The following TMEM39B variants were observed in gnomAD, a reference collection of about 807,000 sequenced individuals.
TMEM39B encodes transmembrane protein 39B.
Under a neutral mutation model 52.2 loss-of-function variants are expected in TMEM39B, and 23 were observed. That is an observed-to-expected ratio of 0.44 (90% CI 0.32 to 0.62). TMEM39B has a LOEUF of 0.62. Among genes scored for constraint, TMEM39B ranks in the 20% least tolerant of loss-of-function variants. The probability of loss-of-function intolerance (pLI) is 0.06; values close to 1 mark genes in which losing one functional copy is unlikely to be tolerated. For synonymous variants in TMEM39B, 285 were observed against 264.0 expected, an observed-to-expected ratio of 1.08 and a Z score of -0.77; for missense variants, 547 against 642.0, an observed-to-expected ratio of 0.85 and a Z score of 1.60.
chr1:32,090,771 C>T (rs1640572419), intron 5 of TMEM39B, among the ~76,000 whole-genome samples: 1 of 152,148 alleles, frequency 6.6e-6, no homozygotes, highest in Non-Finnish European at 1.5e-5. Flanking sequence ...TCCCGAGTAG[C>T]TGGGACTACA....
chr1:32,096,892 C>T (rs1640830285), intron 7 of TMEM39B, among the ~76,000 whole-genome samples: 1 of 151,896 alleles, frequency 6.6e-6, no homozygotes, highest in South Asian at 2.1e-4. Flanking sequence ...ACAGCCACAA[C>T]CTCCTGGGCT....
intron 5 of TMEM39B, among the ~76,000 whole-genome samples, chr1:32,079,185 C>CTTTT (rs763260333): frequency 7.7e-6 from 1 of 129,174 alleles, no homozygotes; most frequent in African/African-American, 2.8e-5. Context: ...CTATTTCTTT[C>CTTTT]TTTTTTTTTT....
At chr1:32,076,391 G>A (rs1460860659) in intron 3 of TMEM39B, 8 of 361,150 alleles carry the variant, frequency 2.2e-5, no homozygotes, top group Admixed American at 3.7e-5. Flanking sequence ...GATTACAGGC[G>A]TGAGCCACCG....
intron 5 of TMEM39B, among the ~76,000 whole-genome samples, chr1:32,079,295 C>T (rs936269813): frequency 2.0e-5 from 3 of 151,918 alleles, no homozygotes; most frequent in African/African-American, 7.3e-5. Context: ...CACCATTCTC[C>T]TGCCTCAGCC....
chr1:32,074,371 T>A (rs77867354), intron 1 of TMEM39B, among the ~76,000 whole-genome samples: 1,628 of 152,242 alleles, frequency 0.011, 25 homozygotes, highest in African/African-American at 0.037. Context: ...CCAGCCACGA[T>A]ACTGTGACAT....
intron 5 of TMEM39B, among the ~76,000 whole-genome samples, chr1:32,089,424 A>T (rs1195154039): frequency 6.6e-6 from 1 of 151,552 alleles, no homozygotes. Context: ...GAACCACCAC[A>T]CCCAGCCCAG....
At position 32,090,247 on chromosome 1, in the gene TMEM39B, G is replaced by A. The variant is rs145007077; in HGVS notation, c.591-1428G>A. Among the ~76,000 whole-genome samples the A allele has an allele frequency of 5.9e-5, 9 of 152,038 alleles. No individual in the cohort carries two copies. The East Asian group carries it at 1.5e-3, about 26-fold the overall frequency. On this transcript the variant is annotated intron_variant, in intron 5 of 8. Transcript: ENST00000336294. ...ACTATGGGCCCATCTAGTTTTCTCC[G>A]CATACAATAGCAGCCACACACATAA...
intron 8 of TMEM39B, among the ~76,000 whole-genome samples, chr1:32,101,830 A>C (rs186154569): frequency 6.6e-5 from 10 of 151,886 alleles, no homozygotes; most frequent in Non-Finnish European, 1.2e-4. Flanking sequence ...ACTCTTTTGA[A>C]CTCATCAGAG....
intron 4 of TMEM39B, 139 bp downstream of exon 4, chr1:32,076,985 AC>A (rs1639890179): frequency 1.6e-6 from 2 of 1,268,596 alleles, no homozygotes; most frequent in South Asian, 1.3e-5. Flanking sequence ...AACATTAGTT[AC>A]ATCCCATCTT....
chr1:32,088,131 A>C (rs1281013929), intron 5 of TMEM39B, among the ~76,000 whole-genome samples: 1 of 146,702 alleles, frequency 6.8e-6, no homozygotes, highest in African/African-American at 2.5e-5. Flanking sequence ...ATCTCCAAAA[A>C]AAAAAGCCAG....
At chr1:32,082,521 C>T (rs920154795) in intron 5 of TMEM39B, among the ~76,000 whole-genome samples, 6 of 151,928 alleles carry the variant, frequency 3.9e-5, no homozygotes, top group African/African-American at 9.7e-5. Context: ...GTGTCACAAT[C>T]TCAGCTCACT....
At chr1:32,088,749 GAGA>G (rs1640483151) in intron 5 of TMEM39B, among the ~76,000 whole-genome samples, 2 of 152,106 alleles carry the variant, frequency 1.3e-5, no homozygotes, top group Non-Finnish European at 2.9e-5. Flanking sequence ...GTCCTTCTTA[GAGA>G]CAAAGCCAGC....
At chr1:32,082,676 G>A (rs1017352732) in intron 5 of TMEM39B, among the ~76,000 whole-genome samples, 8 of 151,924 alleles carry the variant, frequency 5.3e-5, no homozygotes, top group African/African-American at 1.5e-4. Context: ...GGCTGGTCTC[G>A]AACTCCCAAC....
chr1:32,089,380 C>T (rs1347315104), intron 5 of TMEM39B, among the ~76,000 whole-genome samples: 2 of 151,958 alleles, frequency 1.3e-5, no homozygotes. Context: ...AGTTTCTCTA[C>T]CTCTGCCTCC....
intron 5 of TMEM39B, among the ~76,000 whole-genome samples, chr1:32,090,327 C>G (rs1331304703): frequency 1.3e-5 from 2 of 152,156 alleles, no homozygotes; most frequent in Admixed American, 6.5e-5. Flanking sequence ...TTGTTCTGTT[C>G]AAGGGCCCAT....
chr1:32,074,929 T>A (rs1402130792), intron 1 of TMEM39B, 22 bp from the exon 2 acceptor site: 3 of 1,543,442 alleles, frequency 1.9e-6, no homozygotes, highest in Non-Finnish European at 2.6e-6. Flanking sequence ...CTTGAGGCTC[T>A]ATTTTATGTT....
chr1:32,081,238 T>A (rs1294138976), intron 5 of TMEM39B, among the ~76,000 whole-genome samples: 1 of 151,638 alleles, frequency 6.6e-6, no homozygotes, highest in African/African-American at 2.4e-5. Flanking sequence ...TCTGTAAACC[T>A]ATTATCCAGT....
At chr1:32,097,984 T>C (rs1640875636) in intron 7 of TMEM39B, among the ~76,000 whole-genome samples, 1 of 151,798 alleles carries the variant, frequency 6.6e-6, no homozygotes, top group African/African-American at 2.4e-5. Context: ...ATGTTATGAG[T>C]CGCACAATAA....
At position 32,074,944 on chromosome 1, in the gene TMEM39B, C is replaced by G. The variant is rs1449566570; in HGVS notation, c.5-7C>G. The G allele has an allele frequency of 6.5e-7, 1 of 1,549,244 alleles. No individual in the cohort carries two copies. Among genetic ancestry groups the G allele is most frequent in the Non-Finnish European group, 8.7e-7 (1 of 1,145,830 alleles). On this transcript the variant is annotated splice_polypyrimidine_tract_variant and splice_region_variant and intron_variant, in intron 1 of 8. Transcript: ENST00000336294. The stretch of plus-strand genomic sequence containing the variant: ...CTTGAGGCTCTATTTTATGTTGAGC[C>G]CCACAGGAGGACGAAGAGGTCCCAA...
Sources: gnomAD v4.1 joint callset for allele counts (sites outside exome capture counted in the v4.1 genomes callset) on GRCh38, gnomAD v4.1.1 for gene constraint, MANE v1.5 for transcripts, NCBI Gene and HGNC (gene_info 2026-07-23, HGNC 2026-07-21) for gene names.